NBN: variants seen among roughly 807,000 people sequenced by gnomAD.
NBN encodes nibrin.
In NBN, 88 loss-of-function variants were observed where a neutral mutation model predicts 90.8. The observed-to-expected ratio is 0.97, with a 90% CI of 0.82 to 1.16. The LOEUF (loss-of-function observed/expected upper bound fraction) is 1.16, where lower values mean the gene tolerates loss of function less well. Among genes scored for constraint, NBN ranks in the 50% most tolerant of loss-of-function variants. The probability of loss-of-function intolerance (pLI) is 0.00; values close to 1 mark genes in which losing one functional copy is unlikely to be tolerated. For missense variants in NBN, 894 were observed against 869.6 expected, an observed-to-expected ratio of 1.03 and a Z score of -0.35; for synonymous variants, 328 against 295.1, an observed-to-expected ratio of 1.11 and a Z score of -1.14.
rs1261676578 is a variant in NBN at position 89,978,306 on chromosome 8, A to G, written c.498T>C (p.Ile166=). ...CTGGCTTTACAATTGGACGTCCACA[A>G]ATGAGTGCACATATTGTCTACAATG... ...KVTIKTICAL[I]CGRPIVKPEY... Residue 166 remains isoleucine (I), a synonymous_variant, in exon 5 of 16, where the codon ATT becomes ATC. Coordinates refer to ENST00000265433, the MANE Select transcript of NBN (RefSeq NM_002485.5). 6.3e-7 allele frequency: 1 copy of G among 1,587,922 alleles called. No individual in the cohort carries two copies. Among genetic ancestry groups the G allele is most frequent in the Admixed American group, 1.7e-5 (1 of 59,992 alleles).
intron 13 of NBN, among the ~76,000 whole-genome samples, chr8:89,945,819 C>T (rs1260576425): frequency 2.0e-5 from 3 of 152,118 alleles, no homozygotes; most frequent in South Asian, 4.1e-4. Context: ...TAAAGAACCT[C>T]CTCAAGTAGT....
At chr8:89,971,491 C>T (rs1220399587) in intron 5 of NBN, among the ~76,000 whole-genome samples, 1 of 151,852 alleles carries the variant, frequency 6.6e-6, no homozygotes, top group East Asian at 1.9e-4. Flanking sequence ...GCAGGTGACA[C>T]AAAGAAGAGC....
chr8:89,960,539 C>A (rs981328758), intron 8 of NBN, among the ~76,000 whole-genome samples: 2 of 152,066 alleles, frequency 1.3e-5, no homozygotes, highest in Non-Finnish European at 2.9e-5. Context: ...ATAGTCCCAG[C>A]TACTCAGGAG....
At chr8:89,983,793 G>A (rs1447945734) in intron 1 of NBN, among the ~76,000 whole-genome samples, 1 of 152,102 alleles carries the variant, frequency 6.6e-6, no homozygotes, top group African/African-American at 2.4e-5. Context: ...GAGTCCAGAA[G>A]AGCCAGGTCT....
At chr8:89,974,296 C>T (rs1247700039) in intron 5 of NBN, among the ~76,000 whole-genome samples, 1 of 133,696 alleles carries the variant, frequency 7.5e-6, no homozygotes, top group African/African-American at 2.9e-5. Flanking sequence ...GGCTAGACTA[C>T]AGTGACATCC....
At chr8:89,973,522 T>A (rs1336341397) in intron 5 of NBN, among the ~76,000 whole-genome samples, 1 of 152,222 alleles carries the variant, frequency 6.6e-6, no homozygotes, top group South Asian at 2.1e-4. Flanking sequence ...ATTTGATATA[T>A]GATAGACACA....
chr8:89,944,086 G>A (rs1247705997), intron 13 of NBN, among the ~76,000 whole-genome samples: 1 of 151,860 alleles, frequency 6.6e-6, no homozygotes, highest in Non-Finnish European at 1.5e-5. Context: ...TTGATTTGGA[G>A]GGTTTTTTGT....
At chr8:89,954,245 T>C (rs953212226) in intron 10 of NBN, among the ~76,000 whole-genome samples, 2 of 152,162 alleles carry the variant, frequency 1.3e-5, no homozygotes, top group African/African-American at 4.8e-5. Context: ...CAAACTGTAC[T>C]AAGCCCATAG....
rs2129720196 is a variant in NBN, at chr8:89,955,444, ATT to A, written c.1234_1235del (p.Asn412Ter). ...TVKESCKTSS[N>X]NNSMVSNTLA... ...AAGTATTTGATACCATACTATTATTATTAGAGCTTGTTTTGCAGGACTCCTTT... is the reference window on the plus strand; with the variant it reads ...AAGTATTTGATACCATACTATTATTAAGAGCTTGTTTTGCAGGACTCCTTT... On this transcript the variant is annotated frameshift_variant, in exon 10 of 16. Transcript: ENST00000265433. LOFTEE classifies it high-confidence loss of function. The A allele has an allele frequency of 1.2e-6, 2 of 1,613,852 alleles. No individual in the cohort carries two copies. The highest frequency in any genetic ancestry group is 1.7e-6 in the Non-Finnish European group (2 of 1,179,826).
intron 1 of NBN, 68 bp downstream of exon 1, chr8:89,984,457 C>A: frequency 6.8e-7 from 1 of 1,468,994 alleles, no homozygotes; most frequent in African/African-American, 1.4e-5. Flanking sequence ...CAGGAATCAC[C>A]CGCAGGCCCT....
chr8:89,984,638 T>C lies in NBN; in HGVS notation c.-77A>G, dbSNP rs1812250837. 2.5e-6 allele frequency: 4 copies of C among 1,587,162 alleles called. No individual in the cohort carries two copies. In the South Asian group the frequency reaches 4.5e-5, roughly 18 times the overall value. On this transcript the variant is annotated 5_prime_UTR_variant, in exon 1 of 16. Coordinates refer to ENST00000265433, the MANE Select transcript of NBN (RefSeq NM_002485.5). ...GCTAGACGAGCGCGGATACGGCGCCTGCGGTCGGCATGGGCTCCGGGACGT... is the reference window on the plus strand; with the variant it reads ...GCTAGACGAGCGCGGATACGGCGCCCGCGGTCGGCATGGGCTCCGGGACGT...
At chr8:89,942,397 A>G (rs1809990492) in intron 14 of NBN, among the ~76,000 whole-genome samples, 1 of 152,162 alleles carries the variant, frequency 6.6e-6, no homozygotes, top group Admixed American at 6.6e-5. Flanking sequence ...TCTTTTCTAG[A>G]GGAAATACAT....
chr8:89,935,637 A>G (rs1809636607), intron 15 of NBN, 25 bp from the exon 16 acceptor site: 1 of 1,602,734 alleles, frequency 6.2e-7, no homozygotes, highest in South Asian at 1.1e-5. Context: ...ATGGGGTTAA[A>G]TGATATTTAG....
chr8:89,983,847 T>C (rs1349216195), intron 1 of NBN, among the ~76,000 whole-genome samples: 2 of 152,022 alleles, frequency 1.3e-5, no homozygotes, highest in Admixed American at 6.5e-5. Flanking sequence ...ATAAAATTTA[T>C]TTAGTTTGGC....
At position 89,981,167 on chromosome 8, in the gene NBN, C is replaced by T. The variant is rs1805796; in HGVS notation, c.320+208G>A. Among the ~76,000 whole-genome samples, 79,314 of 151,886 alleles carry T rather than the reference C, an allele frequency of 0.52. 23,632 individuals carry two copies. Among genetic ancestry groups the T allele is most frequent in the African/African-American group, 0.82 (33,815 of 41,420 alleles). On this transcript the variant is annotated intron_variant, in intron 3 of 15. Transcript: ENST00000265433. ...CCAATGAGGAATCGAAGAAATGTAA[C>T]TTCCCATGAAGTCCCTCAGGGCCCA...
chr8:89,958,114 G>C (rs1810813290), intron 9 of NBN, among the ~76,000 whole-genome samples: 1 of 152,122 alleles, frequency 6.6e-6, no homozygotes, highest in South Asian at 2.1e-4. Context: ...AATAGGGTTT[G>C]TGCTCCTATG....
At chr8:89,976,738 C>T (rs940823476) in intron 5 of NBN, among the ~76,000 whole-genome samples, 14 of 152,188 alleles carry the variant, frequency 9.2e-5, no homozygotes, top group Middle Eastern at 3.4e-3. Context: ...TCAGGGTCTG[C>T]GGGTCAGACC....
chr8:89,977,873 G>A (rs1351580133), intron 5 of NBN, among the ~76,000 whole-genome samples: 2 of 152,180 alleles, frequency 1.3e-5, no homozygotes, highest in African/African-American at 4.8e-5. Flanking sequence ...TGCAAAGAGG[G>A]CTGCTGCACC....
intron 9 of NBN, among the ~76,000 whole-genome samples, chr8:89,957,050 G>C (rs1211596741): frequency 2.6e-5 from 4 of 152,068 alleles, no homozygotes; most frequent in Admixed American, 6.6e-5. Context: ...TATGTTACTG[G>C]TTAATGTATT....
Sources: gnomAD v4.1 joint callset for allele counts (sites outside exome capture counted in the v4.1 genomes callset) on GRCh38, gnomAD v4.1.1 for gene constraint, MANE v1.5 for transcripts, NCBI Gene and HGNC (gene_info 2026-07-23, HGNC 2026-07-21) for gene names.